Variants in MYO1E observed in about 807,000 individuals in gnomAD.
MYO1E encodes myosin IE.
Under a neutral mutation model 151.1 loss-of-function variants are expected in MYO1E, and 68 were observed. That is an observed-to-expected ratio of 0.45 (90% CI 0.37 to 0.55). The LOEUF is 0.55. MYO1E is among the 20% of genes least tolerant of loss of function. The pLI is 0.00. For missense variants in MYO1E, 1,363 were observed against 1,389.3 expected (o/e 0.98, Z 0.30); for synonymous variants, 601 against 501.7 (o/e 1.20, Z -2.64).
chr15:59,200,824 T>A (rs2079796862), intron 16 of MYO1E, among the ~76,000 whole-genome samples: 1 of 149,244 alleles, frequency 6.7e-6, no homozygotes, highest in African/African-American at 2.6e-5. Context: ...TAAGATAGAC[T>A]CTTAAGATAG....
intron 26 of MYO1E, among the ~76,000 whole-genome samples, chr15:59,150,981 TG>T (rs34064515): frequency 6.7e-6 from 1 of 149,622 alleles, no homozygotes; most frequent in Non-Finnish European, 1.5e-5. Flanking sequence ...TACCCAAGAC[TG>T]GGGGGTAGTG....
At chr15:59,342,165 T>C (rs1020071043) in intron 1 of MYO1E, among the ~76,000 whole-genome samples, 15 of 152,232 alleles carry the variant, frequency 9.9e-5, no homozygotes, top group Admixed American at 3.3e-4. Flanking sequence ...TGTTTGCCAT[T>C]TGTATGTCTT....
At chr15:59,283,509 C>T (rs1286945871) in intron 1 of MYO1E, among the ~76,000 whole-genome samples, 1 of 152,184 alleles carries the variant, frequency 6.6e-6, no homozygotes, top group Non-Finnish European at 1.5e-5. Context: ...AGGACCAAGT[C>T]TTATTCACCA....
At chr15:59,368,827 T>C (rs1489277756) in intron 1 of MYO1E, among the ~76,000 whole-genome samples, 3 of 152,068 alleles carry the variant, frequency 2.0e-5, no homozygotes, top group Non-Finnish European at 4.4e-5. Flanking sequence ...CTTCAGTAAA[T>C]GTCTGCTTCT....
chr15:59,197,398 T>C (rs1263956365), intron 16 of MYO1E, among the ~76,000 whole-genome samples: 1 of 152,226 alleles, frequency 6.6e-6, no homozygotes, highest in South Asian at 2.1e-4. Context: ...GAGAGGCAAG[T>C]GTAACTTAAG....
In MYO1E at chr15:59,231,586, G is replaced by C. The variant is rs755652847; in HGVS notation, c.510+116C>G. 6.3e-6 allele frequency: 7 copies of C among 1,113,028 alleles called. No individual in the cohort carries two copies. The South Asian group carries it at 7.7e-5, about 12-fold the overall frequency. 68.9% of individuals were successfully genotyped at this position (1,113,028 alleles called of 1,614,324 possible). A position where few individuals can be genotyped will look rare whatever the true frequency, so the allele number is the denominator to read the frequency against. On this transcript the variant is annotated intron_variant, in intron 6 of 27. Transcript: ENST00000288235. ...TAGAAAATGAAGGAAAGATCGAAGA[G>C]GTGGCCTCCTGATGATATGTGAAAG...
chr15:59,296,383 C>T (rs1201218770), intron 1 of MYO1E, among the ~76,000 whole-genome samples: 1 of 152,210 alleles, frequency 6.6e-6, no homozygotes, highest in Non-Finnish European at 1.5e-5. Context: ...TGCAACATTA[C>T]AAACCAAAAC....
intron 1 of MYO1E, chr15:59,341,501 C>T (rs2080765735): frequency 6.6e-6 from 1 of 152,142 alleles, no homozygotes; most frequent in Non-Finnish European, 1.5e-5. Context: ...CCCAGTTCTC[C>T]TTCCCAGCCT....
At chr15:59,156,329 T>C (rs2140308243) in intron 25 of MYO1E, among the ~76,000 whole-genome samples, 1 of 152,230 alleles carries the variant, frequency 6.6e-6, no homozygotes, top group South Asian at 2.1e-4. Flanking sequence ...GGATTACAGG[T>C]GTGCACCACC....
chr15:59,227,731 T>G, intron 6 of MYO1E, 141 bp from the exon 7 acceptor site: 1 of 1,116,878 alleles, frequency 9.0e-7, no homozygotes, highest in Non-Finnish European at 1.3e-6. Flanking sequence ...GAGTCTAGAC[T>G]TCCTTAGTTT....
chr15:59,195,582 C>A lies in MYO1E; in HGVS notation c.1699-15G>T, dbSNP rs1377190564. On this transcript the variant is annotated splice_polypyrimidine_tract_variant and intron_variant, in intron 16 of 27. Coordinates refer to ENST00000288235, the MANE Select transcript of MYO1E (RefSeq NM_004998.4). ...TTGGCTTGTTTCTAGAAAGGAAGAA[C>A]AGTATCAGAATCATGGAACTTTCTC... The A allele has an allele frequency of 3.8e-6, 6 of 1,598,868 alleles. No homozygotes were observed. Among genetic ancestry groups the A allele is most frequent in the South Asian group, 3.3e-5 (3 of 90,776 alleles).
chr15:59,330,872 G>A (rs62002740), intron 1 of MYO1E, among the ~76,000 whole-genome samples: 18,963 of 152,046 alleles, frequency 0.12, 1,879 homozygotes, highest in East Asian at 0.48. Flanking sequence ...AACCTCAGAC[G>A]ATCCTCCTGC....
intron 13 of MYO1E, among the ~76,000 whole-genome samples, chr15:59,209,600 C>T (rs535971249): frequency 5.1e-4 from 77 of 151,884 alleles, no homozygotes; most frequent in African/African-American, 1.7e-3. Context: ...CGCTTGAACC[C>T]GGGAGGTGGA....
intron 13 of MYO1E, 199 bp from the exon 14 acceptor site, chr15:59,209,047 T>C (rs2079859726): frequency 3.0e-6 from 2 of 656,592 alleles, no homozygotes; most frequent in African/African-American, 3.6e-5. Context: ...GGGAGGAAAC[T>C]CCACTTTCCA....
intron 1 of MYO1E, among the ~76,000 whole-genome samples, chr15:59,315,397 G>A (rs1312050650): frequency 6.6e-6 from 1 of 152,036 alleles, no homozygotes; most frequent in African/African-American, 2.4e-5. Context: ...TACTAGTTAG[G>A]GTGGGCGGGG....
intron 4 of MYO1E, among the ~76,000 whole-genome samples, chr15:59,253,055 A>G (rs1454630343): frequency 6.6e-6 from 1 of 152,234 alleles, no homozygotes; most frequent in African/African-American, 2.4e-5. Flanking sequence ...AAAGAGTGTC[A>G]CTGTTCAACA....
chr15:59,276,369 T>C (rs16941222), intron 1 of MYO1E, among the ~76,000 whole-genome samples: 1,791 of 152,272 alleles, frequency 0.012, 38 homozygotes, highest in African/African-American at 0.041. Context: ...CAGCAAGGTA[T>C]TGCATTTTAC....
chr15:59,372,417 G>A (rs1596448200), intron 1 of MYO1E, 81 bp downstream of exon 1: 2 of 1,510,822 alleles, frequency 1.3e-6, no homozygotes, highest in Admixed American at 2.0e-5. Context: ...CCGGCAGCGC[G>A]CCCAAGGTGG....
chr15:59,281,276 C>CTTTTT (rs1462934359), intron 1 of MYO1E, among the ~76,000 whole-genome samples: 7 of 148,498 alleles, frequency 4.7e-5, no homozygotes, highest in African/African-American at 1.8e-4. Flanking sequence ...TTTTTCTTTT[C>CTTTTT]TTTCTTTTTT....
Sources: allele counts gnomAD v4.1 joint callset (sites outside exome capture counted in the v4.1 genomes callset), GRCh38; gene constraint gnomAD v4.1.1; transcripts MANE v1.5; gene names NCBI Gene and HGNC (gene_info 2026-07-23, HGNC 2026-07-21).